Variants in PALLD observed in about 807,000 individuals in gnomAD.
PALLD encodes the protein palladin, cytoskeletal associated protein.
Under a neutral mutation model 123.5 loss-of-function variants are expected in PALLD, and 61 were observed. The ratio of observed to expected loss-of-function variants is 0.49; its 90% confidence interval spans 0.40 to 0.61. The LOEUF is 0.61. PALLD is among the 20% of genes least tolerant of loss of function. The pLI, the probability that PALLD is intolerant of heterozygous loss-of-function variation, is 0.00. For missense variants in PALLD, 1,273 were observed against 1,377.0 expected (o/e 0.92, Z 1.20); for synonymous variants, 465 against 496.4 (o/e 0.94, Z 0.84).
intron 10 of PALLD, among the ~76,000 whole-genome samples, chr4:168,741,885 T>C (rs1295960414): frequency 6.6e-6 from 1 of 152,110 alleles, no homozygotes; most frequent in Non-Finnish European, 1.5e-5. Flanking sequence ...AAGGAACCAG[T>C]CTTCATTGAC....
At chr4:168,817,259 C>T (rs1030524658) in intron 10 of PALLD, among the ~76,000 whole-genome samples, 3 of 152,088 alleles carry the variant, frequency 2.0e-5, no homozygotes, top group South Asian at 2.1e-4. Context: ...GACAGAAAAA[C>T]GCAAGTTGTG....
intron 1 of PALLD, among the ~76,000 whole-genome samples, chr4:168,506,971 T>C (rs546647297): frequency 1.3e-5 from 2 of 149,310 alleles, no homozygotes; most frequent in African/African-American, 2.4e-5. Flanking sequence ...ATCTTCTCCT[T>C]CTTTTTTCCT....
chr4:168,695,157 G>C (rs112618236), intron 8 of PALLD, among the ~76,000 whole-genome samples: 1 of 152,186 alleles, frequency 6.6e-6, no homozygotes, highest in African/African-American at 2.4e-5. Flanking sequence ...TCACCAGTGT[G>C]ACCCATGCTA....
At position 168,835,729 on chromosome 4, in the gene PALLD, C is replaced by T. The variant is rs181054230; in HGVS notation, c.1965-55193C>T. Among the ~76,000 whole-genome samples the T allele has an allele frequency of 5.7e-3, 867 of 151,906 alleles. 2 individuals are homozygous for T. The highest frequency in any genetic ancestry group is 0.034 in the Middle Eastern group (10 of 292). On this transcript the variant is annotated intron_variant, in intron 10 of 21. Transcript: ENST00000505667. Reference sequence around the variant, plus strand: ...TTGTTGTTTTTTTGAGACATAGTCTCGCTCTGTCACCCAGGCTGGAGTGCA... The same window carrying T: ...TTGTTGTTTTTTTGAGACATAGTCTTGCTCTGTCACCCAGGCTGGAGTGCA...
intron 2 of PALLD, among the ~76,000 whole-genome samples, chr4:168,627,918 G>C (rs1308118830): frequency 6.6e-6 from 1 of 152,188 alleles, no homozygotes; most frequent in Non-Finnish European, 1.5e-5. Flanking sequence ...AAACTATCTT[G>C]AGACATCACT....
intron 2 of PALLD, among the ~76,000 whole-genome samples, chr4:168,512,634 A>G (rs998186260): frequency 9.8e-5 from 15 of 152,302 alleles, no homozygotes; most frequent in African/African-American, 3.6e-4. Flanking sequence ...AAGGAAGGCA[A>G]AGGACTTGAG....
chr4:168,602,138 C>G (rs1254223002), intron 2 of PALLD, among the ~76,000 whole-genome samples: 1 of 152,132 alleles, frequency 6.6e-6, no homozygotes, highest in Non-Finnish European at 1.5e-5. Flanking sequence ...GTCACAAGGT[C>G]CAAAGCATGG....
chr4:168,897,310 T>C (rs1040246789), intron 13 of PALLD, among the ~76,000 whole-genome samples: 3 of 152,256 alleles, frequency 2.0e-5, no homozygotes, highest in African/African-American at 7.2e-5. Context: ...GTTTTATTCA[T>C]ACTGTTGTAT....
At chr4:168,790,717 C>A (rs933284438) in intron 10 of PALLD, among the ~76,000 whole-genome samples, 1 of 152,154 alleles carries the variant, frequency 6.6e-6, no homozygotes, top group Non-Finnish European at 1.5e-5. Context: ...CCTTTAAAAT[C>A]TGTCAGCATC....
chr4:168,789,060 A>T lies in PALLD; in HGVS notation c.1964+77137A>T, dbSNP rs72986900. 2.4e-3 allele frequency among the ~76,000 whole-genome samples: 373 copies of T among 152,316 alleles called. 3 individuals carry two copies. The highest frequency in any genetic ancestry group is 8.5e-3 in the African/African-American group (353 of 41,566). On this transcript the variant is annotated intron_variant, in intron 10 of 21. Transcript: ENST00000505667. ...TGTATGATCTATGTGTACATTTCTA[A>T]AGCAATATAATTTAGTTTTCCTGGT...
At chr4:168,794,005 C>T (rs1252805720) in intron 10 of PALLD, among the ~76,000 whole-genome samples, 1 of 152,210 alleles carries the variant, frequency 6.6e-6, no homozygotes, top group African/African-American at 2.4e-5. Flanking sequence ...GGGTTGGCCT[C>T]CTCTCTGGCT....
chr4:168,604,031 A>G (rs529932406), intron 2 of PALLD, among the ~76,000 whole-genome samples: 1 of 152,320 alleles, frequency 6.6e-6, no homozygotes, highest in African/African-American at 2.4e-5. Flanking sequence ...AAACTATTCT[A>G]CATTATTAGG....
chr4:168,849,170 A>C (rs1747358222), intron 10 of PALLD, among the ~76,000 whole-genome samples: 1 of 152,188 alleles, frequency 6.6e-6, no homozygotes, highest in Non-Finnish European at 1.5e-5. Flanking sequence ...TTTGTCTTTA[A>C]CTTTCCTTGG....
At chr4:168,765,885 G>T (rs1733596750) in intron 10 of PALLD, among the ~76,000 whole-genome samples, 1 of 152,204 alleles carries the variant, frequency 6.6e-6, no homozygotes, top group African/African-American at 2.4e-5. Flanking sequence ...GGTGGGTAGG[G>T]GTTGGGAGGA....
At chr4:168,514,986 G>T (rs1223105467) in intron 2 of PALLD, among the ~76,000 whole-genome samples, 1 of 152,172 alleles carries the variant, frequency 6.6e-6, no homozygotes, top group Non-Finnish European at 1.5e-5. Flanking sequence ...CTCTTATTCT[G>T]CAGTCTATGA....
At chr4:168,718,692 G>A (rs1785619659) in intron 10 of PALLD, among the ~76,000 whole-genome samples, 1 of 152,062 alleles carries the variant, frequency 6.6e-6, no homozygotes, top group Non-Finnish European at 1.5e-5. Context: ...TGCCTATCAA[G>A]CAAATATATA....
intron 10 of PALLD, among the ~76,000 whole-genome samples, chr4:168,858,173 T>C (rs1184173645): frequency 6.6e-6 from 1 of 152,236 alleles, no homozygotes; most frequent in Non-Finnish European, 1.5e-5. Flanking sequence ...TCATTTGTTT[T>C]ATTTATATTA....
intron 10 of PALLD, among the ~76,000 whole-genome samples, chr4:168,849,993 G>T (rs1401217891): frequency 2.0e-5 from 3 of 152,084 alleles, no homozygotes; most frequent in Admixed American, 6.6e-5. Context: ...AAAATACAAT[G>T]AATAAACTCC....
chr4:168,778,149 A>T (rs923512785), intron 10 of PALLD, among the ~76,000 whole-genome samples: 2 of 151,770 alleles, frequency 1.3e-5, no homozygotes, highest in Non-Finnish European at 2.9e-5. Flanking sequence ...TCTTTCCTGA[A>T]TTTTTTTTTC....
Sources: allele counts gnomAD v4.1 joint callset (sites outside exome capture counted in the v4.1 genomes callset), GRCh38; gene constraint gnomAD v4.1.1; transcripts MANE v1.5; gene names NCBI Gene and HGNC (gene_info 2026-07-23, HGNC 2026-07-21).